The following MYOM2 variants were observed in gnomAD, a reference collection of about 807,000 sequenced individuals.
MYOM2 encodes myomesin-2.
MYOM2 carries 254 observed loss-of-function variants against 187.6 expected under a neutral mutation model. The observed-to-expected ratio is 1.35, with a 90% confidence interval of 1.22 to 1.50. The LOEUF (loss-of-function observed/expected upper bound fraction) is 1.50, where lower values mean the gene tolerates loss of function less well. Among genes scored for constraint, MYOM2 ranks in the 40% most tolerant of loss-of-function variants. The probability of loss-of-function intolerance (pLI) is 0.00; values close to 1 mark genes in which losing one functional copy is unlikely to be tolerated. For synonymous variants in MYOM2, 981 were observed against 753.8 expected (o/e 1.30, Z -4.94); for missense variants, 2,796 against 1,924.0 (o/e 1.45, Z -8.48).
chr8:2,092,982 G>A (rs1401208253), intron 16 of MYOM2, among the ~76,000 whole-genome samples: 3 of 152,170 alleles, frequency 2.0e-5, no homozygotes, highest in African/African-American at 4.8e-5. Context: ...AGCCTCGGGG[G>A]ATGCTGGTTG....
Position 2,076,189 on chromosome 8 carries a change from A to G in MYOM2, c.1169A>G (p.Gln390Arg), listed in dbSNP as rs200599155. 4 of 1,613,320 alleles carry G rather than the reference A, an allele frequency of 2.5e-6. No homozygotes were observed. Among genetic ancestry groups the G allele is most frequent in the Admixed American group, 1.7e-5 (1 of 59,956 alleles). Residue 390 changes from glutamine to arginine, a missense_variant, in exon 11 of 37, where the codon CAG becomes CGG. Gln to Arg is a conservative substitution (Grantham distance 43, BLOSUM62 1). Transcript: ENST00000262113. The part of the protein sequence containing the change: ...TGAPGAPMDL[Q>R]CHDANRDYVI... ...GCCCCCGGTGCACCCATGGACTTGCAGTGCCACGACGCCAACCGGGACTAC... is the reference window on the plus strand; with the variant it reads ...GCCCCCGGTGCACCCATGGACTTGCGGTGCCACGACGCCAACCGGGACTAC...
rs140951282 is a variant in MYOM2 at position 2,135,662 on chromosome 8, G to A, written c.3801-5061G>A. Among the ~76,000 whole-genome samples the A allele has an allele frequency of 4.3e-4, 66 of 152,226 alleles. No individual in the cohort carries two copies. The Middle Eastern group carries it at 0.01, about 24-fold the overall frequency. ...ATGTGAACCATTTTAACTTTAGTTT[G>A]GAATGAAGGAATTTGGTCATGTTTT... On this transcript the variant is annotated intron_variant, in intron 32 of 36. Transcript: ENST00000262113.
chr8:2,047,257 C>T (rs1202878004), intron 1 of MYOM2, among the ~76,000 whole-genome samples: 5 of 152,154 alleles, frequency 3.3e-5, no homozygotes, highest in Non-Finnish European at 7.3e-5. Context: ...GATTTGCTTG[C>T]AAAGACGTCA....
In MYOM2 at chr8:2,131,734, C is replaced by G. The variant is rs192267770; in HGVS notation, c.3800+2502C>G. 4.6e-3 allele frequency among the ~76,000 whole-genome samples: 700 copies of G among 151,034 alleles called. 12 individuals carry two copies. The highest frequency in any genetic ancestry group is 0.044 in the East Asian group (225 of 5,094). The stretch of plus-strand genomic sequence containing the variant: ...TCTCGGCTCACTGCAAGCTCAGCCT[C>G]CCAGGTTCACGCCATTCTCCTGCCT... On this transcript the variant is annotated intron_variant, in intron 32 of 36. Coordinates refer to ENST00000262113, the MANE Select transcript of MYOM2 (RefSeq NM_003970.4).
intron 35 of MYOM2, 26 bp from the exon 36 acceptor site, chr8:2,143,375 C>G: frequency 6.2e-7 from 1 of 1,614,198 alleles, no homozygotes; most frequent in Non-Finnish European, 8.5e-7. Context: ...AGATGTTTTC[C>G]TAACCAAGGT....
chr8:2,055,946 G>A (rs13265964), intron 3 of MYOM2, among the ~76,000 whole-genome samples: 132,035 of 152,084 alleles, frequency 0.87, 57,717 homozygotes, highest in East Asian at 0.97. Context: ...GCTCCGGCTC[G>A]GCCACCTTTC....
At chr8:2,073,290 C>G (rs1168237146) in intron 9 of MYOM2, 49 bp from the exon 10 acceptor site, 1 of 1,571,110 alleles carries the variant, frequency 6.4e-7, no homozygotes, top group Non-Finnish European at 8.7e-7. Flanking sequence ...CTTTCTTTGC[C>G]TGCTGGGGTG....
intron 13 of MYOM2, among the ~76,000 whole-genome samples, chr8:2,080,457 G>A (rs1819582848): frequency 1.3e-5 from 2 of 152,194 alleles, no homozygotes; most frequent in Admixed American, 1.3e-4. Context: ...ATGTCCCTAT[G>A]TTTCCCATGA....
chr8:2,108,158 A>T (rs567874497), intron 23 of MYOM2, among the ~76,000 whole-genome samples: 42 of 152,346 alleles, frequency 2.8e-4, no homozygotes, highest in Middle Eastern at 6.8e-3. Context: ...TCTAATTTTA[A>T]GAAGGAAGGA....
intron 14 of MYOM2, among the ~76,000 whole-genome samples, chr8:2,087,585 A>G (rs1197664830): frequency 6.6e-6 from 1 of 152,120 alleles, no homozygotes; most frequent in Non-Finnish European, 1.5e-5. Context: ...TTCCACCAAT[A>G]CCAGAAACAC....
intron 30 of MYOM2, among the ~76,000 whole-genome samples, chr8:2,123,952 G>A (rs1405348924): frequency 1.3e-5 from 2 of 152,224 alleles, no homozygotes; most frequent in Non-Finnish European, 2.9e-5. Context: ...GTTGAATGTA[G>A]AGTTGGATTT....
At chr8:2,055,816 C>T (rs1210281911) in intron 3 of MYOM2, among the ~76,000 whole-genome samples, 2 of 152,198 alleles carry the variant, frequency 1.3e-5, no homozygotes, top group Non-Finnish European at 2.9e-5. Context: ...TCAGTTCTCC[C>T]CAGGTCTCTG....
chr8:2,118,150 T>C (rs1797309916), intron 28 of MYOM2, among the ~76,000 whole-genome samples, 198 bp downstream of exon 28: 1 of 152,156 alleles, frequency 6.6e-6, no homozygotes, highest in South Asian at 2.1e-4. Flanking sequence ...TATCTTTTCT[T>C]CTTCACGAAA....
intron 17 of MYOM2, 40 bp from the exon 18 acceptor site, chr8:2,096,207 C>A: frequency 2.5e-6 from 4 of 1,589,214 alleles, no homozygotes; most frequent in Non-Finnish European, 3.4e-6. Flanking sequence ...AAGCCCCCAG[C>A]TGAGGCCCTC....
intron 15 of MYOM2, among the ~76,000 whole-genome samples, chr8:2,090,938 A>C (rs969506554): frequency 6.7e-6 from 1 of 149,636 alleles, no homozygotes; most frequent in East Asian, 2.0e-4. Flanking sequence ...ATTCGCATCC[A>C]TATGTCTTTA....
At chr8:2,125,267 G>A (rs1056677641) in intron 31 of MYOM2, among the ~76,000 whole-genome samples, 2 of 152,124 alleles carry the variant, frequency 1.3e-5, no homozygotes, top group African/African-American at 2.4e-5. Flanking sequence ...ATTTTTCCAT[G>A]TGGCATAAGT....
chr8:2,100,080 T>C (rs199598435), intron 19 of MYOM2, among the ~76,000 whole-genome samples: 6,825 of 34,104 alleles, frequency 0.2, 425 homozygotes, highest in East Asian at 0.37. Flanking sequence ...TTCCTTCCTT[T>C]CTTCTTTCCT....
intron 1 of MYOM2, among the ~76,000 whole-genome samples, chr8:2,047,530 T>G (rs1563408645): frequency 6.6e-6 from 1 of 152,220 alleles, no homozygotes; most frequent in Non-Finnish European, 1.5e-5. Flanking sequence ...TAAGGTGTTT[T>G]CATTGTTGAA....
intron 30 of MYOM2, 139 bp downstream of exon 30, chr8:2,123,781 C>A: frequency 1.4e-6 from 1 of 723,880 alleles, no homozygotes; most frequent in South Asian, 2.0e-5. Context: ...TAGAAAAAAA[C>A]TATTTGTTCT....
Sources: allele counts gnomAD v4.1 joint callset (sites outside exome capture counted in the v4.1 genomes callset), GRCh38; gene constraint gnomAD v4.1.1; transcripts MANE v1.5; gene names NCBI Gene and HGNC (gene_info 2026-07-23, HGNC 2026-07-21).